Variants in RPS6KA6 observed in about 807,000 individuals in gnomAD.
The protein encoded by RPS6KA6 is ribosomal protein S6 kinase A6.
A neutral mutation model predicts 65.4 loss-of-function variants in RPS6KA6; 27 were observed. That is an observed-to-expected ratio of 0.41 (90% confidence interval 0.30 to 0.57). RPS6KA6 has a LOEUF of 0.57. Among genes scored for constraint, RPS6KA6 ranks in the 20% least tolerant of loss-of-function variants. The pLI, the probability that RPS6KA6 is intolerant of heterozygous loss-of-function variation, is 0.24. For missense variants in RPS6KA6, 486 were observed against 555.6 expected (o/e 0.87, Z 1.26); for synonymous variants, 190 against 184.2 (o/e 1.03, Z -0.26).
In RPS6KA6 at chrX:84,059,307, T is replaced by A. The variant is rs1051113823; in HGVS notation, c.*4970A>T. On this transcript the variant is annotated 3_prime_UTR_variant, in exon 22 of 22. Transcript: ENST00000262752. ...CCACCACACCTGGCTAACTTTGTATTTTTAGTAGAGACGGGTTTCTCCATG... is the reference window on the plus strand; with the variant it reads ...CCACCACACCTGGCTAACTTTGTATATTTAGTAGAGACGGGTTTCTCCATG... 9.2e-6 allele frequency: 1 copy of A among 108,160 alleles called. No homozygotes were observed. Among genetic ancestry groups the A allele is most frequent in the African/African-American group, 3.4e-5 (1 of 29,618 alleles). 8.9% of individuals were successfully genotyped at this position (108,160 alleles called of 1,213,427 possible).
At position 84,117,398 on chromosome X, in the gene RPS6KA6, C is replaced by A; in HGVS notation, c.846G>T (p.Met282Ile). ...TTTACACTTACTTTAATATCATATT[C>A]ATGGTCTCATTTCTGTCTTTACCTT... is the stretch of plus-strand genomic sequence containing the variant. ...PFQGKDRNET[M>I]NMILKAKLGM... Residue 282 changes from methionine (M) to isoleucine (I), a missense_variant, in exon 10 of 22, where the codon ATG (methionine) becomes ATT (isoleucine). Physicochemically the swap from Met to Ile is conservative, Grantham distance 10. Transcript: ENST00000262752. 8.8e-7 allele frequency: 1 copy of A among 1,135,447 alleles called. No homozygotes were observed. The allele number at this position is 1,135,447 out of a possible 1,213,427, so 93.6% of individuals were successfully genotyped here.
intron 8 of RPS6KA6, among the ~76,000 whole-genome samples, chrX:84,125,670 C>T (rs982908990): frequency 5.4e-5 from 6 of 110,671 alleles, no homozygotes; most frequent in Admixed American, 2.9e-4. Flanking sequence ...CTGGCTAACA[C>T]GGTGAAACCT....
chrX:84,135,332 C>A, intron 6 of RPS6KA6, 122 bp from the exon 7 acceptor site: 1 of 441,540 alleles, frequency 2.3e-6, no homozygotes, highest in South Asian at 4.5e-5. Context: ...TAAGCACAGT[C>A]AATTCTTATT....
Position 84,106,455 on chromosome X carries a change from T to C in RPS6KA6, c.1275A>G (p.Val425=), listed in dbSNP as rs1467071235. 1 of 1,163,987 alleles carries C rather than the reference T, an allele frequency of 8.6e-7. No homozygotes were observed. Among genetic ancestry groups the C allele is most frequent in the Non-Finnish European group, 1.2e-6 (1 of 857,200 alleles). Reference sequence around the variant, plus strand: ...CACCAATATCCTCCTTCAATTCATATACTTCACCAAATTGTGCAGCATTTC... The same window carrying C: ...CACCAATATCCTCCTTCAATTCATACACTTCACCAAATTGTGCAGCATTTC... ...INGNAAQFGE[V]YELKEDIGVG... The change falls in exon 15 of 22, where the codon GTA becomes GTG. Residue 425 remains valine, a synonymous_variant. Transcript: ENST00000262752.
rs1292303611 is a variant in RPS6KA6 at position 84,106,489 on chromosome X, TG to T, written c.1243-3del. ...AAATTGTGCAGCATTTCCATTTATC[TG>T]TTTATTTTTAAAAAGTAAAATACTA... On this transcript the variant is annotated splice_region_variant and splice_polypyrimidine_tract_variant and intron_variant, in intron 14 of 21. Transcript: ENST00000262752. The T allele has an allele frequency of 9.0e-7, 1 of 1,111,163 alleles. No individual in the cohort carries two copies. Among genetic ancestry groups the T allele is most frequent in the East Asian group, 3.2e-5 (1 of 31,507 alleles). 91.6% of individuals were successfully genotyped at this position (1,111,163 alleles called of 1,213,427 possible).
chrX:84,109,700 T>C (rs3788958), intron 12 of RPS6KA6, among the ~76,000 whole-genome samples: 5,529 of 110,357 alleles, frequency 0.05, 199 homozygotes, highest in East Asian at 0.2. Context: ...GTACTCTCCC[T>C]GCCTCTGCTT....
chrX:84,163,641 G>A (rs1359507640), intron 2 of RPS6KA6, among the ~76,000 whole-genome samples: 1 of 55,539 alleles, frequency 1.8e-5, no homozygotes, highest in Non-Finnish European at 3.0e-5. Flanking sequence ...GCGAGACTCC[G>A]TCTCAAAAAA....
chrX:84,086,018 T>C (rs1021681932), intron 20 of RPS6KA6, among the ~76,000 whole-genome samples: 3 of 111,779 alleles, frequency 2.7e-5, no homozygotes, highest in Non-Finnish European at 5.6e-5. Context: ...ATATCCCCCT[T>C]ATAATTTCTG....
chrX:84,089,892 G>A (rs1452378699), intron 20 of RPS6KA6, among the ~76,000 whole-genome samples: 1 of 111,866 alleles, frequency 8.9e-6, no homozygotes, highest in East Asian at 2.8e-4. Context: ...ACTTATAGTT[G>A]GCCATCTTGG....
chrX:84,084,702 G>C (rs1186599382), intron 20 of RPS6KA6, among the ~76,000 whole-genome samples: 13 of 111,823 alleles, frequency 1.2e-4, no homozygotes, highest in African/African-American at 3.6e-4. Context: ...GCTATTTTTT[G>C]GTTCTATATA....
chrX:84,102,091 T>C lies in RPS6KA6; in HGVS notation c.1722A>G (p.Gly574=), dbSNP rs188259433. The change falls in exon 18 of 22, where the codon GGA becomes GGG. Residue 574 remains glycine, a synonymous_variant. Transcript: ENST00000262752. The part of the protein sequence containing the change: ...CDFGFAKQLR[G]ENGLLLTPCY... ...ATGGAGTTAAGAGAAGTCCATTTTCTCCTCGAAGTTGTTTTGCAAACCCAA... is the reference window on the plus strand; with the variant it reads ...ATGGAGTTAAGAGAAGTCCATTTTCCCCTCGAAGTTGTTTTGCAAACCCAA... 5 of 1,201,887 alleles carry C rather than the reference T, an allele frequency of 4.2e-6. No individual in the cohort carries two copies. In the African/African-American group the frequency reaches 8.8e-5, roughly 21 times the overall value.
intron 12 of RPS6KA6, among the ~76,000 whole-genome samples, chrX:84,110,937 A>G (rs1230394505): frequency 9.1e-6 from 1 of 109,362 alleles, no homozygotes. Flanking sequence ...AGTCAAACAC[A>G]TACAAACAAA....
chrX:84,092,649 C>G (rs1175829434), intron 20 of RPS6KA6, among the ~76,000 whole-genome samples: 3 of 110,212 alleles, frequency 2.7e-5, no homozygotes, highest in Non-Finnish European at 5.7e-5. Context: ...GAGACATCAC[C>G]TCACTCCAAT....
intron 18 of RPS6KA6, among the ~76,000 whole-genome samples, chrX:84,101,285 C>A (rs1410303370): frequency 9.0e-6 from 1 of 110,876 alleles, no homozygotes; most frequent in Non-Finnish European, 1.9e-5. Context: ...TCTCTTGATT[C>A]ATTTTTCCCC....
At chrX:84,151,196 GAGATATAGATATATAGGATATATAT>G (rs775071769) in intron 3 of RPS6KA6, among the ~76,000 whole-genome samples, 4,572 of 97,827 alleles carry the variant, frequency 0.047, 176 homozygotes, top group East Asian at 0.18. Context: ...AGGATATATA[GAGATATAGATATATAGGATATATAT>G]AGATATAGAT....
At chrX:84,167,986 TA>T (rs201952834) in intron 1 of RPS6KA6, among the ~76,000 whole-genome samples, 9 of 110,175 alleles carry the variant, frequency 8.2e-5, no homozygotes, top group African/African-American at 2.3e-4. Flanking sequence ...ATCTCTATTC[TA>T]AAAAAAAATC....
intron 2 of RPS6KA6, among the ~76,000 whole-genome samples, chrX:84,157,539 G>C (rs1471907685): frequency 9.0e-6 from 1 of 110,755 alleles, no homozygotes; most frequent in Non-Finnish European, 1.9e-5. Flanking sequence ...CTATATTAAA[G>C]TATAATATAT....
At position 84,164,378 on chromosome X, in the gene RPS6KA6, GACCATTT is replaced by G; in HGVS notation, c.84_90del (p.Asn29LeufsTer74). ...TCCATTGGCTCATCAACCATTTTAA[GACCATTT>G]ACCTGAAAAACATTGTTCAAAAATT... On this transcript the variant is annotated frameshift_variant and splice_region_variant, in exon 2 of 22. Transcript: ENST00000262752. LOFTEE classifies it high-confidence loss of function. 1.7e-6 allele frequency: 2 copies of G among 1,189,042 alleles called. No homozygotes were observed. The highest frequency in any genetic ancestry group is 2.3e-6 in the Non-Finnish European group (2 of 877,745).
At chrX:84,155,413 T>C (rs187093666) in intron 3 of RPS6KA6, among the ~76,000 whole-genome samples, 2 of 111,587 alleles carry the variant, frequency 1.8e-5, no homozygotes, top group East Asian at 2.8e-4. Flanking sequence ...ATAATTTTCA[T>C]GTATTAGATG....
Sources: gnomAD v4.1 joint callset for allele counts (sites outside exome capture counted in the v4.1 genomes callset) on GRCh38, gnomAD v4.1.1 for gene constraint, MANE v1.5 for transcripts, NCBI Gene and HGNC (gene_info 2026-07-23, HGNC 2026-07-21) for gene names.